NRXN1: variants seen among roughly 807,000 people sequenced by gnomAD.
NRXN1 encodes neurexin 1.
NRXN1 carries 39 observed loss-of-function variants against 150.9 expected under a neutral mutation model. The ratio of observed to expected loss-of-function variants is 0.26; its 90% CI spans 0.20 to 0.34. The LOEUF is 0.34. Ranked by LOEUF, NRXN1 falls within the 10% of genes least tolerant of loss-of-function variation. NRXN1 has a pLI of 1.00. For synonymous variants in NRXN1, 924 were observed against 757.0 expected (o/e 1.22, Z -3.62); for missense variants, 1,815 against 1,949.9 (o/e 0.93, Z 1.30).
chr2:50,904,024 A>C (rs534893867), intron 5 of NRXN1, among the ~76,000 whole-genome samples: 3 of 152,242 alleles, frequency 2.0e-5, no homozygotes, highest in African/African-American at 7.2e-5. Flanking sequence ...TCTCTGCTGG[A>C]ATCAGGGCAA....
intron 5 of NRXN1, among the ~76,000 whole-genome samples, chr2:50,683,678 T>C (rs1249462338): frequency 9.3e-6 from 1 of 107,800 alleles, no homozygotes; most frequent in Non-Finnish European, 1.8e-5. Flanking sequence ...TTATAAATGG[T>C]AGATCTAGGA....
chr2:50,794,196 T>C (rs1415669275), intron 5 of NRXN1, among the ~76,000 whole-genome samples: 5 of 152,114 alleles, frequency 3.3e-5, no homozygotes, highest in Non-Finnish European at 7.4e-5. Context: ...TACATCCGAC[T>C]GAAACAGGCT....
At chr2:50,940,842 T>G (rs763741980) in intron 2 of NRXN1, among the ~76,000 whole-genome samples, 1 of 152,162 alleles carries the variant, frequency 6.6e-6, no homozygotes, top group Non-Finnish European at 1.5e-5. Context: ...CAAAAGGGCA[T>G]CTGAAACTAT....
chr2:50,084,417 G>T lies in NRXN1; in HGVS notation c.3718+6906C>A, dbSNP rs534885406. ...AGTGCCGGTGGGCCGGCACTGATGG[G>T]GGACCCTGCGCACTCTCTGCATCTG... On this transcript the variant is annotated intron_variant, in intron 19 of 22. Coordinates refer to ENST00000401669, the MANE Select transcript of NRXN1 (RefSeq NM_001330078.2). 5.3e-5 allele frequency among the ~76,000 whole-genome samples: 8 copies of T among 152,222 alleles called. No individual in the cohort carries two copies. The South Asian group carries it at 1.5e-3, about 28-fold the overall frequency.
At chr2:50,535,870 T>C (rs1014890958) in intron 10 of NRXN1, among the ~76,000 whole-genome samples, 1 of 152,204 alleles carries the variant, frequency 6.6e-6, no homozygotes, top group Non-Finnish European at 1.5e-5. Context: ...ACATGTTTTT[T>C]AATTACTTTG....
chr2:50,210,986 T>C (rs1027459597), intron 18 of NRXN1, among the ~76,000 whole-genome samples: 1 of 151,676 alleles, frequency 6.6e-6, no homozygotes, highest in Non-Finnish European at 1.5e-5. Flanking sequence ...AACAACAAAA[T>C]GACACAGTGA....
intron 22 of NRXN1, among the ~76,000 whole-genome samples, chr2:49,933,971 G>C (rs1464626445): frequency 6.6e-6 from 1 of 152,164 alleles, no homozygotes; most frequent in Non-Finnish European, 1.5e-5. Context: ...TTGCATTGTA[G>C]GGCATGTTGT....
intron 8 of NRXN1, among the ~76,000 whole-genome samples, chr2:50,585,963 A>C (rs1258547413): frequency 6.6e-6 from 1 of 152,188 alleles, no homozygotes; most frequent in Non-Finnish European, 1.5e-5. Context: ...CAAAAAACCT[A>C]CTGAGCAGAG....
At chr2:50,315,446 C>G (rs913057258) in intron 17 of NRXN1, among the ~76,000 whole-genome samples, 7 of 152,130 alleles carry the variant, frequency 4.6e-5, no homozygotes, top group Admixed American at 3.9e-4. Context: ...ACATAATCAG[C>G]AGCACTTCAA....
intron 12 of NRXN1, among the ~76,000 whole-genome samples, chr2:50,524,538 G>C (rs1161656311): frequency 6.6e-6 from 1 of 151,266 alleles, no homozygotes; most frequent in Admixed American, 6.6e-5. Context: ...AATAAACGAA[G>C]TGTCCCTAAG....
intron 9 of NRXN1, among the ~76,000 whole-genome samples, chr2:50,539,499 A>T (rs1050107260): frequency 7.9e-5 from 12 of 152,104 alleles, no homozygotes; most frequent in African/African-American, 2.9e-4. Flanking sequence ...TTTGAGGGTC[A>T]CAGAAAAATA....
At chr2:50,389,694 A>AT (rs1437396011) in intron 17 of NRXN1, among the ~76,000 whole-genome samples, 1 of 152,070 alleles carries the variant, frequency 6.6e-6, no homozygotes, top group Non-Finnish European at 1.5e-5. Flanking sequence ...ATAAATTGCT[A>AT]TTTTTTATCA....
chr2:50,418,227 T>C (rs1020799333), intron 17 of NRXN1, among the ~76,000 whole-genome samples: 6 of 151,974 alleles, frequency 3.9e-5, no homozygotes, highest in African/African-American at 1.4e-4. Flanking sequence ...TTCTTATATC[T>C]CTAAAGCAAG....
At chr2:50,858,484 G>T (rs909906499) in intron 5 of NRXN1, among the ~76,000 whole-genome samples, 1 of 151,882 alleles carries the variant, frequency 6.6e-6, no homozygotes, top group Non-Finnish European at 1.5e-5. Flanking sequence ...ACTCAAACAT[G>T]CAATTTATTT....
chr2:50,027,072 C>T (rs1445063833), intron 21 of NRXN1, among the ~76,000 whole-genome samples: 9 of 151,186 alleles, frequency 6.0e-5, no homozygotes, highest in African/African-American at 1.5e-4. Flanking sequence ...TTAGTAGAGA[C>T]GGGGTTTCAC....
chr2:50,068,838 A>G (rs1046849312), intron 19 of NRXN1, among the ~76,000 whole-genome samples: 10 of 152,222 alleles, frequency 6.6e-5, no homozygotes, highest in African/African-American at 2.4e-4. Context: ...TAAATCTATT[A>G]TCTTTCCCAG....
In NRXN1 at chr2:50,601,331, C is replaced by A. The variant is rs191869387; in HGVS notation, c.1320+18691G>T. Reference sequence around the variant, plus strand: ...GAAGGCAGTCTCCAAAACATCCAAACAGGGTTTTTGAGAATTTAACTCTTG... The same window carrying A: ...GAAGGCAGTCTCCAAAACATCCAAAAAGGGTTTTTGAGAATTTAACTCTTG... On this transcript the variant is annotated intron_variant, in intron 8 of 22. Transcript: ENST00000401669. Among the ~76,000 whole-genome samples the A allele has an allele frequency of 2.7e-4, 41 of 152,288 alleles. No individual in the cohort carries two copies. The Middle Eastern group carries it at 0.02, about 76-fold the overall frequency.
At chr2:50,551,317 T>C (rs1012615854) in intron 9 of NRXN1, 5 of 152,082 alleles carry the variant, frequency 3.3e-5, no homozygotes, top group African/African-American at 1.2e-4. Flanking sequence ...AATTTCCATA[T>C]ATTCTATTTC....
At chr2:50,482,337 C>T (rs2090537693) in intron 15 of NRXN1, among the ~76,000 whole-genome samples, 1 of 152,100 alleles carries the variant, frequency 6.6e-6, no homozygotes, top group Admixed American at 6.5e-5. Context: ...TAAATCCATG[C>T]CAAGCTAACT....
Sources: allele counts gnomAD v4.1 joint callset (sites outside exome capture counted in the v4.1 genomes callset), GRCh38; gene constraint gnomAD v4.1.1; transcripts MANE v1.5; gene names NCBI Gene and HGNC (gene_info 2026-07-23, HGNC 2026-07-21).